The following CPO variants were observed in gnomAD, a reference collection of about 807,000 sequenced individuals.
CPO encodes the protein metallocarboxypeptidase C.
CPO carries 43 observed loss-of-function variants against 41.2 expected under a neutral mutation model. That is an observed-to-expected ratio of 1.04 (90% CI 0.82 to 1.35). The LOEUF (loss-of-function observed/expected upper bound fraction) is 1.35, where lower values mean the gene tolerates loss of function less well. Ranked by LOEUF, CPO falls within the 40% of genes most tolerant of loss-of-function variation. The pLI, the probability that CPO is intolerant of heterozygous loss-of-function variation, is 0.00. For missense variants in CPO, 408 were observed against 451.7 expected, an observed-to-expected ratio of 0.90 and a Z score of 0.88; for synonymous variants, 178 against 162.7, an observed-to-expected ratio of 1.09 and a Z score of -0.72.
chr2:206,956,260 A>T (rs571911883), intron 3 of CPO, among the ~76,000 whole-genome samples: 2 of 152,262 alleles, frequency 1.3e-5, no homozygotes, highest in South Asian at 4.1e-4. Context: ...CCTAGACCCC[A>T]CCTAATTTGG....
intron 7 of CPO, among the ~76,000 whole-genome samples, chr2:206,967,318 C>T (rs1051752604): frequency 1.4e-5 from 2 of 147,534 alleles, no homozygotes; most frequent in African/African-American, 2.6e-5. Flanking sequence ...GTATGACTTC[C>T]AGCTCTGAAA....
chr2:206,964,558 G>T (rs931252850), intron 7 of CPO, among the ~76,000 whole-genome samples: 1 of 152,104 alleles, frequency 6.6e-6, no homozygotes, highest in Non-Finnish European at 1.5e-5. Flanking sequence ...TACCTCGCAC[G>T]CCTCTCTCTG....
rs563274693 is a variant in CPO, at chr2:206,962,716, G to T, written c.777+102G>T. ...AGATTTTGGCTCCAGCCACCCTTTT[G>T]TTCTCTCTGCTTATCCCTATATTCT... On this transcript the variant is annotated intron_variant, in intron 7 of 8. Coordinates refer to ENST00000272852, the MANE Select transcript of CPO (RefSeq NM_173077.3). The T allele has an allele frequency of 4.1e-5, 37 of 895,336 alleles. No homozygotes were observed. The East Asian group carries it at 8.4e-4, about 20-fold the overall frequency. 55.5% of individuals were successfully genotyped at this position (895,336 alleles called of 1,614,324 possible). A position where few individuals can be genotyped will look rare whatever the true frequency, so the allele number is the denominator to read the frequency against.
chr2:206,957,401 A>G (rs1693390276), intron 3 of CPO, among the ~76,000 whole-genome samples: 1 of 151,950 alleles, frequency 6.6e-6, no homozygotes, highest in Non-Finnish European at 1.5e-5. Context: ...GAGAACATTA[A>G]GGTAAGAGGT....
At chr2:206,943,088 A>T (rs1228956316) in intron 1 of CPO, among the ~76,000 whole-genome samples, 1 of 152,158 alleles carries the variant, frequency 6.6e-6, no homozygotes, top group African/African-American at 2.4e-5. Context: ...CCTCAGTGTT[A>T]TGGCATTGCC....
chr2:206,969,353 C>T lies in CPO; in HGVS notation c.1042C>T (p.His348Tyr), dbSNP rs543492682. 48 of 1,614,042 alleles carry T rather than the reference C, an allele frequency of 3.0e-5. No homozygotes were observed. In the South Asian group the frequency reaches 3.7e-4, roughly 13 times the overall value. ...AGTCCTGGATGATGTGTATGCGAAACACTGGCACTCGGACAGTGCTGGAAG... is the reference window on the plus strand; with the variant it reads ...AGTCCTGGATGATGTGTATGCGAAATACTGGCACTCGGACAGTGCTGGAAG... ...LSVLDDVYAK[H>Y]WHSDSAGRVT... is the part of the protein sequence containing the mutation. Residue 348 changes from histidine (H) to tyrosine (Y), a missense_variant, in exon 9 of 9, where the codon CAC (histidine) becomes TAC (tyrosine). Physicochemically the swap from His to Tyr is moderately conservative, Grantham distance 83. Transcript: ENST00000272852.
chr2:206,963,846 G>T (rs571124055), intron 7 of CPO, among the ~76,000 whole-genome samples: 133 of 152,012 alleles, frequency 8.7e-4, no homozygotes, highest in Middle Eastern at 6.8e-3. Context: ...CAGTTTTTTT[G>T]ATTCATATCC....
Position 206,952,569 on chromosome 2 carries a change from G to A in CPO, c.165+2856G>A, listed in dbSNP as rs1003393880. 2.6e-5 allele frequency among the ~76,000 whole-genome samples: 4 copies of A among 152,162 alleles called. 1 individual carries two copies. The highest frequency in any genetic ancestry group is 4.1e-4 in the South Asian group (2 of 4,822). On this transcript the variant is annotated intron_variant, in intron 2 of 8. Transcript: ENST00000272852. ...TAATTGTTATGGAACCCCAAATTAC[G>A]GACTTCCAGACCAAGGTATAAGACT...
chr2:206,948,039 A>G (rs1201508253), intron 1 of CPO, among the ~76,000 whole-genome samples: 4 of 152,182 alleles, frequency 2.6e-5, no homozygotes, highest in Non-Finnish European at 4.4e-5. Context: ...AAACTAAACA[A>G]ACTCTTACCA....
rs536717617 is a variant in CPO, at chr2:206,963,711, T to A, written c.777+1097T>A. 1.0e-3 allele frequency among the ~76,000 whole-genome samples: 154 copies of A among 152,362 alleles called. 1 individual carries two copies. The highest frequency in any genetic ancestry group is 3.6e-3 in the African/African-American group (150 of 41,586). Reference sequence around the variant, plus strand: ...GCCAAACAATATTCCATTTTGTGTATATACTACATTTCGTTCATCCCATCC... The same window carrying A: ...GCCAAACAATATTCCATTTTGTGTAAATACTACATTTCGTTCATCCCATCC... On this transcript the variant is annotated intron_variant, in intron 7 of 8. Transcript: ENST00000272852.
intron 7 of CPO, among the ~76,000 whole-genome samples, chr2:206,962,843 T>G (rs1224181707): frequency 6.6e-6 from 1 of 152,214 alleles, no homozygotes; most frequent in Non-Finnish European, 1.5e-5. Flanking sequence ...AAGTGTCAAG[T>G]TGGGAGACAT....
In CPO at chr2:206,962,613, T is replaced by C. The variant is rs754142292; in HGVS notation, c.776T>C (p.Met259Thr). 14 of 1,613,430 alleles carry C rather than the reference T, an allele frequency of 8.7e-6. No individual in the cohort carries two copies. In the Admixed American group the frequency reaches 2.0e-4, roughly 23 times the overall value. ...AATAAATCAAGTAACCACCCAGAAA[T>C]GGTGAGTCCATAGCACCAAGGCCTC... ...TKNKSSNHPE[M>T]IQVGQKAANA... Residue 259 changes from methionine to threonine, a missense_variant and splice_region_variant, in exon 7 of 9, where the codon ATG (methionine) becomes ACG (threonine). Met to Thr is a moderately conservative substitution (Grantham distance 81). Coordinates refer to ENST00000272852, the MANE Select transcript of CPO (RefSeq NM_173077.3).
intron 7 of CPO, among the ~76,000 whole-genome samples, chr2:206,965,320 T>C (rs892701174): frequency 1.3e-5 from 2 of 151,894 alleles, no homozygotes; most frequent in Non-Finnish European, 2.9e-5. Flanking sequence ...CAAGCTTTGA[T>C]AGAGTGCGCA....
At chr2:206,955,327 C>G in intron 2 of CPO, 136 bp from the exon 3 acceptor site, 1 of 664,270 alleles carries the variant, frequency 1.5e-6, no homozygotes, top group Non-Finnish European at 2.8e-6. Flanking sequence ...TTTTCTGTTT[C>G]TTTTACCACA....
intron 4 of CPO, among the ~76,000 whole-genome samples, chr2:206,959,012 ATTACAG>A (rs1253206702): frequency 6.6e-6 from 1 of 152,044 alleles, no homozygotes; most frequent in Non-Finnish European, 1.5e-5. Context: ...AAGTGCTGGG[ATTACAG>A]GCATGAGCCA....
chr2:206,964,042 C>A (rs1020072259), intron 7 of CPO, among the ~76,000 whole-genome samples: 91 of 152,288 alleles, frequency 6.0e-4, no homozygotes, highest in Admixed American at 2.5e-3. Flanking sequence ...GCTCCTCTTT[C>A]TATGCAAATG....
At chr2:206,952,307 G>T (rs1054853094) in intron 2 of CPO, among the ~76,000 whole-genome samples, 10 of 151,928 alleles carry the variant, frequency 6.6e-5, no homozygotes, top group African/African-American at 2.4e-4. Context: ...TACAGACAGG[G>T]TTTCACCATC....
intron 1 of CPO, among the ~76,000 whole-genome samples, chr2:206,941,071 A>C (rs1263880683): frequency 6.6e-6 from 1 of 152,134 alleles, no homozygotes; most frequent in Non-Finnish European, 1.5e-5. Context: ...TGCTGCTTAA[A>C]AATATCAAGA....
At chr2:206,950,927 G>A (rs1331378060) in intron 2 of CPO, among the ~76,000 whole-genome samples, 1 of 151,890 alleles carries the variant, frequency 6.6e-6, no homozygotes, top group African/African-American at 2.4e-5. Flanking sequence ...GGCCAGTTGT[G>A]GGTGGGGTGG....
Sources: allele counts gnomAD v4.1 joint callset (sites outside exome capture counted in the v4.1 genomes callset), GRCh38; gene constraint gnomAD v4.1.1; transcripts MANE v1.5; gene names NCBI Gene and HGNC (gene_info 2026-07-23, HGNC 2026-07-21).